The following GLT1D1 variants were observed in gnomAD, a reference collection of about 807,000 sequenced individuals.
GLT1D1 encodes glycosyltransferase 1 domain containing 1, also known as glycosyltransferase 1 domain-containing protein 1.
GLT1D1 carries 21 observed loss-of-function variants against 28.7 expected under a neutral mutation model. The observed-to-expected ratio is 0.73, with a 90% CI of 0.52 to 1.05. The LOEUF (loss-of-function observed/expected upper bound fraction) is 1.05, where lower values mean the gene tolerates loss of function less well. GLT1D1 is among the 50% of genes least tolerant of loss of function. The pLI, the probability that GLT1D1 is intolerant of heterozygous loss-of-function variation, is 0.00. For missense variants in GLT1D1, 343 were observed against 330.6 expected (o/e 1.04, Z -0.29); for synonymous variants, 147 against 124.8 (o/e 1.18, Z -1.19).
intron 4 of GLT1D1, among the ~76,000 whole-genome samples, chr12:128,913,936 G>A (rs866824524): frequency 1.3e-5 from 2 of 152,192 alleles, no homozygotes; most frequent in African/African-American, 4.8e-5. Flanking sequence ...TATGGAAAGC[G>A]CCTACATGCA....
chr12:128,929,122 TG>T (rs1873594445), intron 4 of GLT1D1, among the ~76,000 whole-genome samples: 2 of 152,356 alleles, frequency 1.3e-5, no homozygotes, highest in South Asian at 4.1e-4. Context: ...AGCGAGGACC[TG>T]GCGAGCATCT....
chr12:128,927,425 A>G (rs1353117745), intron 4 of GLT1D1, among the ~76,000 whole-genome samples: 1 of 151,906 alleles, frequency 6.6e-6, no homozygotes, highest in Non-Finnish European at 1.5e-5. Flanking sequence ...TTTTTAGTAG[A>G]GACAGGGTTT....
At chr12:128,948,149 T>A (rs1876318285) in intron 6 of GLT1D1, among the ~76,000 whole-genome samples, 1 of 152,160 alleles carries the variant, frequency 6.6e-6, no homozygotes, top group Non-Finnish European at 1.5e-5. Context: ...CTGTAAAAGA[T>A]CCTGGCAATC....
chr12:128,951,678 C>A (rs757840977), intron 6 of GLT1D1, among the ~76,000 whole-genome samples: 25 of 152,204 alleles, frequency 1.6e-4, no homozygotes, highest in Non-Finnish European at 3.5e-4. Flanking sequence ...GTCGAGCACA[C>A]TCACCTCTGT....
At chr12:128,944,666 G>T (rs1875781203) in intron 4 of GLT1D1, 5 of 724,968 alleles carry the variant, frequency 6.9e-6, no homozygotes, top group African/African-American at 1.7e-5. Context: ...GCCTGTGGAA[G>T]TGTCCTTGGA....
chr12:128,903,472 G>A (rs1270607706), intron 4 of GLT1D1, among the ~76,000 whole-genome samples: 1 of 151,654 alleles, frequency 6.6e-6, no homozygotes, highest in Non-Finnish European at 1.5e-5. Flanking sequence ...TGCCTTACAA[G>A]GGCACGGATG....
chr12:128,863,943 C>T (rs1262299316), intron 1 of GLT1D1, among the ~76,000 whole-genome samples: 3 of 95,286 alleles, frequency 3.1e-5, no homozygotes, highest in African/African-American at 1.4e-4. Flanking sequence ...AAGACTCCAT[C>T]TCAAAAAAAA....
chr12:128,971,529 CCTTT>C (rs1479089873), intron 7 of GLT1D1, among the ~76,000 whole-genome samples: 14 of 126,990 alleles, frequency 1.1e-4, no homozygotes, highest in African/African-American at 4.2e-4. Context: ...TCCTTCTGTC[CCTTT>C]CTCTCTCCTT....
intron 6 of GLT1D1, among the ~76,000 whole-genome samples, chr12:128,956,726 C>T (rs1427997166): frequency 1.3e-5 from 2 of 152,212 alleles, no homozygotes; most frequent in Non-Finnish European, 2.9e-5. Context: ...TCCTCCTCCT[C>T]CTCTTTCCTT....
chr12:128,935,245 G>A (rs949126897), intron 4 of GLT1D1, among the ~76,000 whole-genome samples: 1 of 152,154 alleles, frequency 6.6e-6, no homozygotes, highest in African/African-American at 2.4e-5. Flanking sequence ...CTCTACCAGA[G>A]CTTTATGAAA....
At chr12:128,920,828 C>T (rs904599901) in intron 4 of GLT1D1, among the ~76,000 whole-genome samples, 2 of 152,126 alleles carry the variant, frequency 1.3e-5, no homozygotes, top group African/African-American at 4.8e-5. Flanking sequence ...AATCTTGACT[C>T]ATGGATAACC....
intron 3 of GLT1D1, among the ~76,000 whole-genome samples, chr12:128,896,108 TTTAAATGAGAA>T (rs1292628005): frequency 6.6e-6 from 1 of 152,028 alleles, no homozygotes; most frequent in Non-Finnish European, 1.5e-5. Flanking sequence ...CCTGGAGTGG[TTTAAATGAGAA>T]GAGAGGCATT....
intron 7 of GLT1D1, among the ~76,000 whole-genome samples, chr12:128,962,266 TCTC>T (rs1878047064): frequency 6.6e-6 from 1 of 152,250 alleles, no homozygotes; most frequent in Non-Finnish European, 1.5e-5. Context: ...AGTCAACTGT[TCTC>T]CTAGCTGCCT....
intron 1 of GLT1D1, among the ~76,000 whole-genome samples, chr12:128,859,119 G>A (rs1017753111): frequency 6.6e-6 from 1 of 152,206 alleles, no homozygotes; most frequent in Non-Finnish European, 1.5e-5. Context: ...AGGACCTCCT[G>A]AGGGCTGTGT....
chr12:128,873,877 T>C (rs1299842378), intron 1 of GLT1D1, among the ~76,000 whole-genome samples: 1 of 122,508 alleles, frequency 8.2e-6, no homozygotes, highest in African/African-American at 3.4e-5. Context: ...CCTCCTTCCT[T>C]CCTTCCTCTC....
Position 128,957,633 on chromosome 12 carries a change from C to T in GLT1D1, c.629C>T (p.Ser210Phe). The T allele has an allele frequency of 6.2e-7, 1 of 1,610,256 alleles. No individual in the cohort carries two copies. Among genetic ancestry groups the T allele is most frequent in the South Asian group, 1.1e-5 (1 of 90,964 alleles). The change falls in exon 7 of 8, where the codon TCC (serine) becomes TTC (phenylalanine). Residue 210 changes from serine (S) to phenylalanine (F), a missense_variant. Coordinates refer to ENST00000281703, the MANE Select transcript of GLT1D1 (RefSeq NM_144669.3). Reference sequence around the variant, plus strand: ...CATGAAGTCACAGGGCTACTGTTTTCCAATCCTCAGGTAAAGAAAAGTTCT... The same window carrying T: ...CATGAAGTCACAGGGCTACTGTTTTTCAATCCTCAGGTAAAGAAAAGTTCT...
intron 2 of GLT1D1, among the ~76,000 whole-genome samples, chr12:128,886,799 T>G (rs1490486611): frequency 6.6e-6 from 1 of 152,010 alleles, no homozygotes; most frequent in African/African-American, 2.4e-5. Flanking sequence ...GAGCAATTAT[T>G]CTCCCTACCA....
chr12:128,956,943 G>A (rs945285450), intron 6 of GLT1D1, among the ~76,000 whole-genome samples: 5 of 152,174 alleles, frequency 3.3e-5, no homozygotes, highest in Admixed American at 1.3e-4. Flanking sequence ...CCTCCTTTCC[G>A]GGCAGGCGAG....
In GLT1D1 at chr12:128,899,257, G is replaced by A. The variant is rs772298902; in HGVS notation, c.345G>A (p.Glu115=). Residue 115 remains glutamate (E), a synonymous_variant, in exon 4 of 8, where the codon GAG becomes GAA. Coordinates refer to ENST00000281703, the MANE Select transcript of GLT1D1 (RefSeq NM_144669.3). Reference sequence around the variant, plus strand: ...CTAGATTTGCTGTCGCTTTCACAGAGTCAATGAAGGAAATGGCACAAGCGC... The same window carrying A: ...CTAGATTTGCTGTCGCTTTCACAGAATCAATGAAGGAAATGGCACAAGCGC... 1 of 1,613,550 alleles carries A rather than the reference G, an allele frequency of 6.2e-7. No individual in the cohort carries two copies. The highest frequency in any genetic ancestry group is 2.2e-5 in the East Asian group (1 of 44,874).
Sources: allele counts gnomAD v4.1 joint callset (sites outside exome capture counted in the v4.1 genomes callset), GRCh38; gene constraint gnomAD v4.1.1; transcripts MANE v1.5; gene names NCBI Gene and HGNC (gene_info 2026-07-23, HGNC 2026-07-21).